The following NAV1 variants were observed in gnomAD, a reference collection of about 807,000 sequenced individuals.
NAV1 encodes the protein neuron navigator 1, also known as pore membrane and/or filament interacting like protein 3.
A neutral mutation model predicts 175.2 loss-of-function variants in NAV1; 18 were observed. The observed-to-expected ratio is 0.10, with a 90% CI of 0.07 to 0.15. NAV1 has a LOEUF of 0.15. Among genes scored for constraint, NAV1 ranks in the 10% least tolerant of loss-of-function variants. The pLI, the probability that NAV1 is intolerant of heterozygous loss-of-function variation, is 1.00. For missense variants in NAV1, 1,731 were observed against 2,436.6 expected, an observed-to-expected ratio of 0.71 and a Z score of 6.10; for synonymous variants, 897 against 978.7, an observed-to-expected ratio of 0.92 and a Z score of 1.56.
At chr1:201,607,955 AAT>A (rs1667736521) in intron 2 of NAV1, among the ~76,000 whole-genome samples, 2 of 150,074 alleles carry the variant, frequency 1.3e-5, no homozygotes, top group South Asian at 4.2e-4. Flanking sequence ...AAAACCTACA[AAT>A]GCTAATAATT....
chr1:201,809,067 T>C lies in NAV1; in HGVS notation c.4208-97T>C. ...GTTTGGGACCTCCATTCCTTCTCTGTGGCAAACAGAGTTATTTTGGAAAGG... is the reference window on the plus strand; with the variant it reads ...GTTTGGGACCTCCATTCCTTCTCTGCGGCAAACAGAGTTATTTTGGAAAGG... On this transcript the variant is annotated intron_variant, in intron 20 of 29. Coordinates refer to ENST00000367296, the Ensembl canonical transcript of NAV1. 2.2e-6 allele frequency: 3 copies of C among 1,378,690 alleles called. No individual in the cohort carries two copies. In the South Asian group the frequency reaches 3.6e-5, roughly 17 times the overall value. The allele number at this position is 1,378,690 out of a possible 1,614,324, so 85.4% of individuals were successfully genotyped here.
intron 1 of NAV1, among the ~76,000 whole-genome samples, chr1:201,650,790 G>T (rs1354588942): frequency 1.3e-5 from 2 of 152,164 alleles, no homozygotes; most frequent in African/African-American, 4.8e-5. Context: ...GGCTTTGCAG[G>T]GGCAATCAGG....
chr1:201,545,152 G>A (rs1422415156), intron 1 of NAV1, among the ~76,000 whole-genome samples: 1 of 152,122 alleles, frequency 6.6e-6, no homozygotes, highest in Admixed American at 6.5e-5. Context: ...TTTCCAACTT[G>A]CCTCAGCTTT....
rs141081547 is a variant in NAV1, at chr1:201,756,063, C to T, written c.1227-24358C>T. ...CAGAGGTTGCAGTGAGCTGAGGTTG[C>T]GCCATTGCACTCCAGCCTGGTGACT... On this transcript the variant is annotated intron_variant, in intron 3 of 29. Transcript: ENST00000367296. 2.6e-3 allele frequency among the ~76,000 whole-genome samples: 379 copies of T among 147,588 alleles called. 12 individuals carry two copies. In the East Asian group the frequency reaches 0.049, roughly 19 times the overall value.
chr1:201,616,552 A>G (rs1668007246), intron 2 of NAV1, among the ~76,000 whole-genome samples: 1 of 152,058 alleles, frequency 6.6e-6, no homozygotes, highest in African/African-American at 2.4e-5. Flanking sequence ...CAATAGCGCA[A>G]TCTCGGCTCA....
chr1:201,619,076 AGCAGGGCCCCCACT>A (rs1668081764), upstream of NAV1, among the ~76,000 whole-genome samples: 1 of 152,150 alleles, frequency 6.6e-6, no homozygotes, highest in Non-Finnish European at 1.5e-5. Context: ...AGGAGGAGAG[AGCAGGGCCCCCACT>A]GCAGTGGAGA....
intron 2 of NAV1, among the ~76,000 whole-genome samples, chr1:201,630,888 T>G (rs1336713418): frequency 6.6e-6 from 1 of 152,250 alleles, no homozygotes; most frequent in Non-Finnish European, 1.5e-5. Context: ...TAGAGCCTAA[T>G]GATCTCCATG....
chr1:201,785,262 A>C, intron 7 of NAV1, 48 bp from the exon 12 acceptor site: 3 of 1,577,048 alleles, frequency 1.9e-6, no homozygotes, highest in Non-Finnish European at 2.6e-6. Flanking sequence ...AGATGGACCC[A>C]CATGCTTCTC....
chr1:201,650,365 C>T (rs1297585265), intron 1 of NAV1, among the ~76,000 whole-genome samples: 4 of 152,226 alleles, frequency 2.6e-5, no homozygotes, highest in African/African-American at 4.8e-5. Context: ...GGCCATGCCT[C>T]GGGAACTGGC....
chr1:201,582,295 G>C (rs970537690), intron 1 of NAV1, among the ~76,000 whole-genome samples: 1 of 152,220 alleles, frequency 6.6e-6, no homozygotes, highest in African/African-American at 2.4e-5. Flanking sequence ...CTACATGAGA[G>C]AGAGAAGAGC....
In NAV1 at chr1:201,790,655, C is replaced by T. The variant is rs759757932; in HGVS notation, c.3244-34C>T. 8.7e-6 allele frequency: 14 copies of T among 1,613,594 alleles called. No homozygotes were observed. In the Admixed American group the frequency reaches 1.5e-4, roughly 17 times the overall value. ...CCTTCCAAATCTTATACAGCTTCTGCAGCCAGTAGTTTGTATTTCTCTTCC... is the reference window on the plus strand; with the variant it reads ...CCTTCCAAATCTTATACAGCTTCTGTAGCCAGTAGTTTGTATTTCTCTTCC... On this transcript the variant is annotated intron_variant, in intron 12 of 29. Transcript: ENST00000367296.
At chr1:201,733,169 A>C (rs1672941096) in intron 3 of NAV1, among the ~76,000 whole-genome samples, 2 of 151,948 alleles carry the variant, frequency 1.3e-5, no homozygotes, top group Non-Finnish European at 2.9e-5. Flanking sequence ...TCATGAGGTC[A>C]AGAGATCGAG....
At chr1:201,728,728 G>T (rs1672723000) in intron 3 of NAV1, among the ~76,000 whole-genome samples, 1 of 152,060 alleles carries the variant, frequency 6.6e-6, no homozygotes, top group African/African-American at 2.4e-5. Flanking sequence ...ACCTCCCAAA[G>T]TGCTAAGATT....
At chr1:201,744,558 A>C (rs898124991) in intron 3 of NAV1, among the ~76,000 whole-genome samples, 1 of 152,130 alleles carries the variant, frequency 6.6e-6, no homozygotes, top group African/African-American at 2.4e-5. Context: ...GGGATAATGC[A>C]GGAGGATGCA....
At chr1:201,578,442 C>T (rs1666755063) in intron 1 of NAV1, among the ~76,000 whole-genome samples, 1 of 152,186 alleles carries the variant, frequency 6.6e-6, no homozygotes, top group Non-Finnish European at 1.5e-5. Flanking sequence ...GGTGGCTTAT[C>T]TCTGGGTAAT....
At chr1:201,566,637 G>A (rs372233988) in intron 1 of NAV1, among the ~76,000 whole-genome samples, 12 of 152,108 alleles carry the variant, frequency 7.9e-5, no homozygotes, top group Admixed American at 5.9e-4. Flanking sequence ...ATCACAGAGG[G>A]CACAGGTGCC....
At chr1:201,614,025 G>A (rs546588281) in intron 2 of NAV1, among the ~76,000 whole-genome samples, 81 of 151,576 alleles carry the variant, frequency 5.3e-4, no homozygotes, top group African/African-American at 1.8e-3. Flanking sequence ...ACGGTCTGAG[G>A]GGACTGGGTG....
chr1:201,772,315 T>C (rs986577968), intron 3 of NAV1, among the ~76,000 whole-genome samples: 2 of 152,212 alleles, frequency 1.3e-5, no homozygotes, highest in East Asian at 3.8e-4. Flanking sequence ...AGGGCTTATG[T>C]CCACTGATGT....
At chr1:201,778,174 G>C (rs1009137968) in intron 3 of NAV1, among the ~76,000 whole-genome samples, 8 of 152,140 alleles carry the variant, frequency 5.3e-5, no homozygotes, top group African/African-American at 1.9e-4. Flanking sequence ...TTTTGAGCAA[G>C]GAGGACCCAA....
Sources: gnomAD v4.1 joint callset for allele counts (sites outside exome capture counted in the v4.1 genomes callset) on GRCh38, gnomAD v4.1.1 for gene constraint, MANE v1.5 for transcripts, NCBI Gene and HGNC (gene_info 2026-07-23, HGNC 2026-07-21) for gene names.